IMMP2L: variants seen among roughly 807,000 people sequenced by gnomAD.
IMMP2L encodes inner mitochondrial membrane peptidase subunit 2.
A neutral mutation model predicts 19.3 loss-of-function variants in IMMP2L; 18 were observed. That is an observed-to-expected ratio of 0.93 (90% CI 0.64 to 1.38). The LOEUF is 1.38. Among genes scored for constraint, IMMP2L ranks in the 40% most tolerant of loss-of-function variants. IMMP2L has a pLI of 0.00. For synonymous variants in IMMP2L, 76 were observed against 73.0 expected, an observed-to-expected ratio of 1.04 and a Z score of -0.21; for missense variants, 233 against 218.2, an observed-to-expected ratio of 1.07 and a Z score of -0.43.
intron 5 of IMMP2L, among the ~76,000 whole-genome samples, chr7:110,816,331 C>T (rs1262671118): frequency 9.2e-5 from 14 of 152,068 alleles, no homozygotes; most frequent in Non-Finnish European, 1.3e-4. Context: ...GTCTGAGAGA[C>T]AGTTTGTTAT....
At chr7:111,559,966 GAA>G (rs940586439) in intron 1 of IMMP2L, among the ~76,000 whole-genome samples, 23 of 151,770 alleles carry the variant, frequency 1.5e-4, no homozygotes, top group Admixed American at 1.1e-3. Context: ...AGAAGAAGGA[GAA>G]AAAGAAAGAA....
At chr7:111,298,101 A>G (rs950574728) in intron 3 of IMMP2L, among the ~76,000 whole-genome samples, 18 of 152,202 alleles carry the variant, frequency 1.2e-4, no homozygotes, top group Admixed American at 3.3e-4. Context: ...TTAAAACAGA[A>G]TATCAAGTAG....
At chr7:111,295,604 T>C (rs557901244) in intron 3 of IMMP2L, among the ~76,000 whole-genome samples, 71 of 152,010 alleles carry the variant, frequency 4.7e-4, no homozygotes, top group Non-Finnish European at 8.1e-4. Flanking sequence ...GAAATCTTAT[T>C]ATACGGTTAT....
At chr7:111,286,346 C>A (rs1820479299) in intron 3 of IMMP2L, among the ~76,000 whole-genome samples, 2 of 151,994 alleles carry the variant, frequency 1.3e-5, no homozygotes, top group African/African-American at 2.4e-5. Context: ...ATATATGGAC[C>A]ATCTCCTTAA....
chr7:111,012,794 G>A (rs1421932862), intron 3 of IMMP2L, among the ~76,000 whole-genome samples: 4 of 152,240 alleles, frequency 2.6e-5, no homozygotes, highest in South Asian at 2.1e-4. Flanking sequence ...CTAACTTGCC[G>A]ATGAGGAAAT....
chr7:111,343,359 G>T (rs1827216960), intron 3 of IMMP2L, among the ~76,000 whole-genome samples: 1 of 151,920 alleles, frequency 6.6e-6, no homozygotes, highest in African/African-American at 2.4e-5. Context: ...CAACTACAGG[G>T]ATCCAACTTC....
intron 3 of IMMP2L, among the ~76,000 whole-genome samples, chr7:111,467,430 G>T (rs573067188): frequency 6.6e-6 from 1 of 152,104 alleles, no homozygotes; most frequent in African/African-American, 2.4e-5. Flanking sequence ...TTTTGTTGCA[G>T]TTTTTGGCTT....
At chr7:111,122,892 G>T in intron 3 of IMMP2L, 1 of 1,614,006 alleles carries the variant, frequency 6.2e-7, no homozygotes, top group Non-Finnish European at 8.5e-7. Flanking sequence ...TCAGGCCTTG[G>T]TTTACACCCA....
At position 111,036,757 on chromosome 7, in the gene IMMP2L, C is replaced by CA. The variant is rs375907879; in HGVS notation, c.240-73193dup. ...ATATTCTTGTAAAAGTGTATTTTTA[C>CA]AAACCAGATAACTTTATAGTTTCTG... On this transcript the variant is annotated intron_variant, in intron 3 of 5. Transcript: ENST00000405709. Among the ~76,000 whole-genome samples the CA allele has an allele frequency of 2.4e-3, 370 of 152,198 alleles. 3 individuals carry two copies. Among genetic ancestry groups the CA allele is most frequent in the African/African-American group, 8.5e-3 (354 of 41,546 alleles).
At chr7:110,975,997 T>C (rs1180578692) in intron 3 of IMMP2L, among the ~76,000 whole-genome samples, 2 of 152,048 alleles carry the variant, frequency 1.3e-5, no homozygotes, top group Non-Finnish European at 2.9e-5. Flanking sequence ...ATGGGCACAG[T>C]AGAACTGATA....
chr7:111,274,198 T>C (rs780910559), intron 3 of IMMP2L, among the ~76,000 whole-genome samples: 3 of 152,128 alleles, frequency 2.0e-5, no homozygotes, highest in South Asian at 2.1e-4. Context: ...AAGCAATTCC[T>C]ACAGGAAAAA....
chr7:110,674,233 G>C (rs1274717001), intron 5 of IMMP2L, among the ~76,000 whole-genome samples: 2 of 152,104 alleles, frequency 1.3e-5, no homozygotes, highest in African/African-American at 4.8e-5. Context: ...AAAACCACCA[G>C]ATCCCATGAG....
chr7:111,531,287 CT>C (rs146465082), intron 1 of IMMP2L, among the ~76,000 whole-genome samples: 174 of 143,600 alleles, frequency 1.2e-3, no homozygotes, highest in Non-Finnish European at 1.4e-3. Flanking sequence ...TAGTTGTTTT[CT>C]TTTTTTTTTT....
intron 5 of IMMP2L, among the ~76,000 whole-genome samples, chr7:110,749,285 A>C (rs1202778824): frequency 1.3e-5 from 2 of 152,172 alleles, no homozygotes; most frequent in African/African-American, 4.8e-5. Context: ...GAACGTTTTT[A>C]CACTGTTGGT....
intron 4 of IMMP2L, among the ~76,000 whole-genome samples, chr7:110,911,339 C>G (rs1563074813): frequency 6.6e-6 from 1 of 152,070 alleles, no homozygotes; most frequent in Non-Finnish European, 1.5e-5. Context: ...AAATGTAAAT[C>G]AAAAGGCATT....
At chr7:111,267,979 T>C (rs919942553) in intron 3 of IMMP2L, among the ~76,000 whole-genome samples, 2 of 152,106 alleles carry the variant, frequency 1.3e-5, no homozygotes, top group South Asian at 4.1e-4. Flanking sequence ...TATTTAAGTA[T>C]GGTAATTCAA....
chr7:110,785,334 A>G (rs1217963672), intron 5 of IMMP2L, among the ~76,000 whole-genome samples: 2 of 151,954 alleles, frequency 1.3e-5, no homozygotes, highest in East Asian at 1.9e-4. Context: ...TTCTTATTAA[A>G]TGTCTCTAAT....
At chr7:111,312,245 G>C (rs1404978485) in intron 3 of IMMP2L, among the ~76,000 whole-genome samples, 1 of 152,134 alleles carries the variant, frequency 6.6e-6, no homozygotes, top group Non-Finnish European at 1.5e-5. Flanking sequence ...ATGAAGCATA[G>C]AGGAAACTGG....
At chr7:111,225,047 T>C (rs1054918676) in intron 3 of IMMP2L, among the ~76,000 whole-genome samples, 9 of 152,142 alleles carry the variant, frequency 5.9e-5, no homozygotes, top group African/African-American at 1.7e-4. Flanking sequence ...GTTGTTTCCG[T>C]TGCAAGCTGA....
Sources: allele counts gnomAD v4.1 joint callset (sites outside exome capture counted in the v4.1 genomes callset), GRCh38; gene constraint gnomAD v4.1.1; transcripts MANE v1.5; gene names NCBI Gene and HGNC (gene_info 2026-07-23, HGNC 2026-07-21).